HACL1: variants seen among roughly 807,000 people sequenced by gnomAD.
HACL1 encodes 2-hydroxyacyl-CoA lyase 1.
HACL1 carries 64 observed loss-of-function variants against 74.2 expected under a neutral mutation model. The ratio of observed to expected loss-of-function variants is 0.86; its 90% CI spans 0.70 to 1.06. The LOEUF is 1.06. Among genes scored for constraint, HACL1 ranks in the 50% least tolerant of loss-of-function variants. The pLI is 0.00. For synonymous variants in HACL1, 230 were observed against 238.8 expected (o/e 0.96, Z 0.34); for missense variants, 728 against 719.7 (o/e 1.01, Z -0.13).
chr3:15,587,995 G>C (rs1430746762), intron 5 of HACL1, among the ~76,000 whole-genome samples: 3 of 152,116 alleles, frequency 2.0e-5, no homozygotes, highest in African/African-American at 7.2e-5. Flanking sequence ...CTGGGTTCAA[G>C]TGATTCTCCT....
At chr3:15,563,108 T>C (rs1047960641) in intron 16 of HACL1, among the ~76,000 whole-genome samples, 2 of 152,138 alleles carry the variant, frequency 1.3e-5, no homozygotes, top group African/African-American at 4.8e-5. Context: ...AGACTGTCCC[T>C]CTCCCCTACC....
In HACL1 at chr3:15,574,948, CTGATTT is replaced by C. The variant is rs749688613; in HGVS notation, c.909+23_909+28del. 11 of 988,152 alleles carry C rather than the reference CTGATTT, an allele frequency of 1.1e-5. No individual in the cohort carries two copies. The South Asian group carries it at 1.3e-4, about 12-fold the overall frequency. 61.2% of individuals were successfully genotyped at this position (988,152 alleles called of 1,614,324 possible). A position where few individuals can be genotyped will look rare whatever the true frequency, so the allele number is the denominator to read the frequency against. Reference sequence around the variant, plus strand: ...GGGAGAATAATGAACATAGACATTTCTGATTTTAAGTTCCTCCTCTCTAAGTACCTG... The same window carrying C: ...GGGAGAATAATGAACATAGACATTTCTAAGTTCCTCCTCTCTAAGTACCTG... On this transcript the variant is annotated intron_variant, in intron 10 of 16. Transcript: ENST00000321169.
intron 16 of HACL1, 78 bp from the exon 17 acceptor site, chr3:15,560,975 T>C: frequency 1.8e-6 from 2 of 1,127,360 alleles, no homozygotes; most frequent in Non-Finnish European, 2.7e-6. Context: ...TCACTTGTTC[T>C]AAAACCTAAA....
intron 12 of HACL1, among the ~76,000 whole-genome samples, chr3:15,570,084 C>A (rs1403195585): frequency 6.6e-6 from 1 of 152,050 alleles, no homozygotes; most frequent in Non-Finnish European, 1.5e-5. Flanking sequence ...TGCCTGTAAT[C>A]CCAGCACTTT....
chr3:15,566,758 GC>G (rs1180000693), intron 14 of HACL1, among the ~76,000 whole-genome samples: 1 of 145,206 alleles, frequency 6.9e-6, no homozygotes, highest in Non-Finnish European at 1.5e-5. Context: ...AGGAATTTCT[GC>G]CTAAAGGATA....
intron 12 of HACL1, among the ~76,000 whole-genome samples, chr3:15,570,585 T>TAA (rs142953166): frequency 3.4e-5 from 5 of 147,406 alleles, no homozygotes; most frequent in Non-Finnish European, 6.0e-5. Context: ...CACAAAACAA[T>TAA]AAAAAAAAAC....
Position 15,563,449 on chromosome 3 carries a change from A to G in HACL1, c.1613T>C (p.Leu538Pro), listed in dbSNP as rs1393467863. The change falls in exon 16 of 17, where the codon CTC becomes CCC. Residue 538 changes from leucine to proline, a missense_variant. Coordinates refer to ENST00000321169, the MANE Select transcript of HACL1 (RefSeq NM_012260.4). ...KGYFVQTPEE[L>P]QKSLRQSLAD... Reference sequence around the variant, plus strand: ...TAGGCTCTGCCTCAGGGATTTTTGGAGTTCTTCTGGTGTTTGTACAAAATA... The same window carrying G: ...TAGGCTCTGCCTCAGGGATTTTTGGGGTTCTTCTGGTGTTTGTACAAAATA... 1 of 1,611,264 alleles carries G rather than the reference A, an allele frequency of 6.2e-7. No homozygotes were observed. Among genetic ancestry groups the G allele is most frequent in the Non-Finnish European group, 8.5e-7 (1 of 1,177,464 alleles).
chr3:15,560,703 TCTAA>T lies in HACL1; in HGVS notation c.*158_*161del, dbSNP rs1455500458. ...CAGAATAACTTTTTCTGTTACTTTTTCTAACTTTTTCTGTTTTTAATCAATTCCT... is the reference window on the plus strand; with the variant it reads ...CAGAATAACTTTTTCTGTTACTTTTTCTTTTTCTGTTTTTAATCAATTCCT... On this transcript the variant is annotated 3_prime_UTR_variant, in exon 17 of 17. Transcript: ENST00000321169. 1.1e-5 allele frequency: 7 copies of T among 642,168 alleles called. No homozygotes were observed. In the African/African-American group the frequency reaches 1.1e-4, roughly 10 times the overall value. The allele number at this position is 642,168 out of a possible 1,614,324, so 39.8% of individuals were successfully genotyped here.
At chr3:15,596,520 G>A (rs2064068862) in intron 2 of HACL1, 96 bp from the exon 3 acceptor site, 3 of 702,252 alleles carry the variant, frequency 4.3e-6, no homozygotes, top group Non-Finnish European at 7.7e-6. Context: ...AGAACATAGT[G>A]GTAAAGGCAG....
chr3:15,576,154 CAAAAAA>C (rs1185744343), intron 9 of HACL1, among the ~76,000 whole-genome samples: 1 of 62,480 alleles, frequency 1.6e-5, no homozygotes, highest in Non-Finnish European at 3.2e-5. Flanking sequence ...GACTCTGTCT[CAAAAAA>C]AAAAAAAAAA....
chr3:15,601,518 C>T lies in HACL1; in HGVS notation c.-55G>A, dbSNP rs757110995. 113 of 1,609,128 alleles carry T rather than the reference C, an allele frequency of 7.0e-5. No homozygotes were observed. The highest frequency in any genetic ancestry group is 9.6e-5 in the Non-Finnish European group (113 of 1,179,998). On this transcript the variant is annotated 5_prime_UTR_variant, in exon 1 of 17. Coordinates refer to ENST00000321169, the MANE Select transcript of HACL1 (RefSeq NM_012260.4). Reference sequence around the variant, plus strand: ...CAGCCGGCAAACAAGCGGAATCATCCAGCAAGGCAAACGCGAAATCGGCAG... The same window carrying T: ...CAGCCGGCAAACAAGCGGAATCATCTAGCAAGGCAAACGCGAAATCGGCAG...
chr3:15,565,343 C>T (rs925782742), intron 14 of HACL1, among the ~76,000 whole-genome samples: 7 of 152,102 alleles, frequency 4.6e-5, no homozygotes, highest in Admixed American at 6.5e-5. Context: ...GTGTTTGAAA[C>T]GTACCTTTCT....
In HACL1 at chr3:15,601,454, T is replaced by C. The variant is rs770440860; in HGVS notation, c.10A>G (p.Ser4Gly). The change falls in exon 1 of 17, where the codon AGT becomes GGT. Residue 4 changes from serine (S) to glycine (G), a missense_variant. Transcript: ENST00000321169. Reference sequence around the variant, plus strand: ...TCCTCGCTGCGCTCTGCGAAGTTACTGTCCGGCATCTTCCACCGAAAAGCT... The same window carrying C: ...TCCTCGCTGCGCTCTGCGAAGTTACCGTCCGGCATCTTCCACCGAAAAGCT... The part of the protein sequence containing the change: MPD[S>G]NFAERSEEQV... 3.7e-6 allele frequency: 6 copies of C among 1,613,278 alleles called. No individual in the cohort carries two copies. The Admixed American group carries it at 8.3e-5, about 22-fold the overall frequency.
At chr3:15,565,079 C>T (rs553930559) in intron 14 of HACL1, among the ~76,000 whole-genome samples, 4 of 151,854 alleles carry the variant, frequency 2.6e-5, no homozygotes, top group African/African-American at 4.8e-5. Context: ...GCAGAAGAAT[C>T]GCTTGAACCC....
chr3:15,577,022 T>C (rs2125248891), intron 9 of HACL1, among the ~76,000 whole-genome samples: 1 of 152,320 alleles, frequency 6.6e-6, no homozygotes, highest in South Asian at 2.1e-4. Context: ...ATTAATATTA[T>C]CCTCTTAAAA....
At chr3:15,567,205 CCTTT>C (rs2063450321) in intron 14 of HACL1, among the ~76,000 whole-genome samples, 1 of 119,018 alleles carries the variant, frequency 8.4e-6, no homozygotes, top group African/African-American at 3.1e-5. Flanking sequence ...AGCCATGCTG[CCTTT>C]TTTTTTTTTT....
At chr3:15,596,153 C>G (rs2064059228) in intron 3 of HACL1, 2 of 472,468 alleles carry the variant, frequency 4.2e-6, no homozygotes, top group East Asian at 7.3e-5. Context: ...AACTCACTAT[C>G]TGATCACCAG....
chr3:15,592,154 G>A (rs1355315380), intron 3 of HACL1, among the ~76,000 whole-genome samples: 2 of 147,076 alleles, frequency 1.4e-5, no homozygotes, highest in African/African-American at 5.0e-5. Flanking sequence ...GTATACATAC[G>A]TATATACGTA....
chr3:15,574,362 C>T (rs977054260), intron 10 of HACL1, among the ~76,000 whole-genome samples: 6 of 152,148 alleles, frequency 3.9e-5, no homozygotes, highest in Non-Finnish European at 7.3e-5. Flanking sequence ...AGCCAAGATG[C>T]TGTCTCAAAA....
Sources: gnomAD v4.1 joint callset for allele counts (sites outside exome capture counted in the v4.1 genomes callset) on GRCh38, gnomAD v4.1.1 for gene constraint, MANE v1.5 for transcripts, NCBI Gene and HGNC (gene_info 2026-07-23, HGNC 2026-07-21) for gene names.